KCNMA1: variants seen among roughly 807,000 people sequenced by gnomAD.
The protein encoded by KCNMA1 is potassium calcium-activated channel subfamily M alpha 1.
Under a neutral mutation model 140.0 loss-of-function variants are expected in KCNMA1, and 29 were observed. The ratio of observed to expected loss-of-function variants is 0.21; its 90% CI spans 0.15 to 0.28. The LOEUF (loss-of-function observed/expected upper bound fraction) is 0.28. KCNMA1 is among the 10% of genes least tolerant of loss of function. The probability of loss-of-function intolerance (pLI) is 1.00; values close to 1 mark genes in which losing one functional copy is unlikely to be tolerated. For synonymous variants in KCNMA1, 612 were observed against 611.9 expected (o/e 1.00, Z 0.00); for missense variants, 880 against 1,602.2 (o/e 0.55, Z 7.70).
At chr10:77,217,568 GA>G (rs1372769169) in intron 3 of KCNMA1, 1 of 456,272 alleles carries the variant, frequency 2.2e-6, no homozygotes. Context: ...GCTGCCGAAT[GA>G]AAACATGGAG....
chr10:77,401,831 T>G (rs1465271150), intron 2 of KCNMA1, among the ~76,000 whole-genome samples: 1 of 152,124 alleles, frequency 6.6e-6, no homozygotes, highest in African/African-American at 2.4e-5. Flanking sequence ...AGCCCTACTT[T>G]CCCCTACAGC....
At chr10:76,969,527 T>G (rs1443479883) in intron 20 of KCNMA1, among the ~76,000 whole-genome samples, 1 of 152,204 alleles carries the variant, frequency 6.6e-6, no homozygotes, top group East Asian at 1.9e-4. Flanking sequence ...TTCAGGTTCA[T>G]TTTTGATTGT....
chr10:77,113,896 A>G (rs370586995), intron 6 of KCNMA1, among the ~76,000 whole-genome samples: 3 of 152,210 alleles, frequency 2.0e-5, no homozygotes, highest in Non-Finnish European at 4.4e-5. Context: ...AAAAATCCCA[A>G]ATACCATACA....
At chr10:77,633,248 C>G (rs535471935) in intron 1 of KCNMA1, among the ~76,000 whole-genome samples, 79 of 152,078 alleles carry the variant, frequency 5.2e-4, no homozygotes, top group African/African-American at 1.5e-3. Context: ...CCAGGAGGCG[C>G]AGGCTGCAGT....
intron 1 of KCNMA1, among the ~76,000 whole-genome samples, chr10:77,567,313 T>C (rs1457996118): frequency 6.6e-6 from 1 of 152,214 alleles, no homozygotes; most frequent in East Asian, 1.9e-4. Context: ...AACCCCGCCA[T>C]CCATCACCAC....
intron 15 of KCNMA1, among the ~76,000 whole-genome samples, chr10:77,037,137 G>A (rs950094165): frequency 6.6e-6 from 1 of 152,150 alleles, no homozygotes; most frequent in African/African-American, 2.4e-5. Flanking sequence ...TATTCACAGA[G>A]CCACTAGTGC....
intron 5 of KCNMA1, among the ~76,000 whole-genome samples, chr10:77,127,092 A>T (rs1318150786): frequency 3.0e-5 from 1 of 32,878 alleles, no homozygotes. Flanking sequence ...ACACACACAC[A>T]CACACACACA....
At chr10:76,964,451 G>T (rs2073055536) in intron 20 of KCNMA1, among the ~76,000 whole-genome samples, 1 of 152,134 alleles carries the variant, frequency 6.6e-6, no homozygotes, top group African/African-American at 2.4e-5. Flanking sequence ...ATGACCATCT[G>T]CTGAGCATGA....
At chr10:77,467,730 G>C (rs1170426288) in intron 1 of KCNMA1, among the ~76,000 whole-genome samples, 2 of 152,258 alleles carry the variant, frequency 1.3e-5, no homozygotes, top group African/African-American at 4.8e-5. Flanking sequence ...AAAGGGCAGG[G>C]AGGCACAGCA....
intron 1 of KCNMA1, among the ~76,000 whole-genome samples, chr10:77,570,107 G>A (rs1166786033): frequency 3.3e-5 from 5 of 151,676 alleles, no homozygotes; most frequent in Non-Finnish European, 5.9e-5. Context: ...GAGAGGATGT[G>A]GAGAAATAGG....
intron 1 of KCNMA1, among the ~76,000 whole-genome samples, chr10:77,558,328 C>T (rs545444996): frequency 1.9e-3 from 286 of 152,260 alleles, no homozygotes; most frequent in African/African-American, 6.0e-3. Flanking sequence ...CAGGGATGTG[C>T]CAAACACCTC....
intron 1 of KCNMA1, among the ~76,000 whole-genome samples, chr10:77,494,481 A>G (rs759554207): frequency 1.6e-4 from 25 of 152,200 alleles, no homozygotes; most frequent in Non-Finnish European, 3.1e-4. Context: ...TGAAAAGGGT[A>G]GAGTCCCCAG....
chr10:77,506,625 G>A (rs2046066838), intron 1 of KCNMA1, among the ~76,000 whole-genome samples: 2 of 144,752 alleles, frequency 1.4e-5, no homozygotes, highest in Non-Finnish European at 3.0e-5. Flanking sequence ...GTGTGTTAGA[G>A]AGGGAGAGAG....
At chr10:76,933,885 C>T (rs2059866084) in intron 23 of KCNMA1, among the ~76,000 whole-genome samples, 1 of 152,114 alleles carries the variant, frequency 6.6e-6, no homozygotes. Context: ...TCAATAAATC[C>T]AGAACTAAAG....
chr10:77,295,578 G>C (rs1368762931), intron 2 of KCNMA1, among the ~76,000 whole-genome samples: 1 of 150,694 alleles, frequency 6.6e-6, no homozygotes, highest in South Asian at 2.1e-4. Context: ...TCAGGAGATC[G>C]AGACCATTCT....
At chr10:77,575,232 T>C (rs1284773114) in intron 1 of KCNMA1, among the ~76,000 whole-genome samples, 2 of 152,172 alleles carry the variant, frequency 1.3e-5, no homozygotes, top group African/African-American at 2.4e-5. Context: ...ATCAGCTCCC[T>C]GAATACAGGG....
rs144767038 is a variant in KCNMA1, at chr10:77,139,208, C to T, written c.809-18160G>A. Among the ~76,000 whole-genome samples the T allele has an allele frequency of 9.8e-3, 1,496 of 152,272 alleles. 24 individuals carry two copies. The highest frequency in any genetic ancestry group is 0.034 in the African/African-American group (1,405 of 41,546). ...CCCATGGTTTTACTCAATTATTCAA[C>T]GTTTTCTCAGGAAGTAGTGTATGTG... On this transcript the variant is annotated intron_variant, in intron 5 of 27. Transcript: ENST00000286628.
intron 1 of KCNMA1, among the ~76,000 whole-genome samples, chr10:77,519,741 G>A (rs1228515257): frequency 2.0e-5 from 3 of 152,158 alleles, no homozygotes; most frequent in Non-Finnish European, 2.9e-5. Flanking sequence ...ACATCCCTTC[G>A]TGAAACACAG....
At position 77,079,626 on chromosome 10, in the gene KCNMA1, C is replaced by A. The variant is rs45495698; in HGVS notation, c.1524-76G>T. On this transcript the variant is annotated intron_variant, in intron 12 of 27. Transcript: ENST00000286628. Reference sequence around the variant, plus strand: ...CTGACAAAAAGATCAATTTTACTGTCTCCAAATGGGGTACCCATGGGACTG... The same window carrying A: ...CTGACAAAAAGATCAATTTTACTGTATCCAAATGGGGTACCCATGGGACTG... 0.072 allele frequency: 73,670 copies of A among 1,017,812 alleles called. 3,198 individuals carry two copies. Among genetic ancestry groups the A allele is most frequent in the Non-Finnish European group, 0.087 (55,446 of 639,072 alleles). 63.0% of individuals were successfully genotyped at this position (1,017,812 alleles called of 1,614,324 possible). A position where few individuals can be genotyped will look rare whatever the true frequency, so the allele number is the denominator to read the frequency against.
Sources: gnomAD v4.1 joint callset for allele counts (sites outside exome capture counted in the v4.1 genomes callset) on GRCh38, gnomAD v4.1.1 for gene constraint, MANE v1.5 for transcripts, NCBI Gene and HGNC (gene_info 2026-07-23, HGNC 2026-07-21) for gene names.